The following FRMPD4 variants were observed in gnomAD, a reference collection of about 807,000 sequenced individuals.
FRMPD4 encodes FERM and PDZ domain-containing protein 4.
A neutral mutation model predicts 94.1 loss-of-function variants in FRMPD4; 22 were observed. The observed-to-expected ratio is 0.23, with a 90% CI of 0.17 to 0.33. FRMPD4 has a LOEUF of 0.33. Ranked by LOEUF, FRMPD4 falls within the 10% of genes least tolerant of loss-of-function variation. The probability of loss-of-function intolerance (pLI) is 1.00; values close to 1 mark genes in which losing one functional copy is unlikely to be tolerated. For synonymous variants in FRMPD4, 631 were observed against 548.6 expected (o/e 1.15, Z -2.10); for missense variants, 1,111 against 1,339.9 (o/e 0.83, Z 2.67).
intron 1 of FRMPD4, among the ~76,000 whole-genome samples, chrX:12,292,395 CTAT>C (rs1446486021): frequency 9.0e-6 from 1 of 110,890 alleles, no homozygotes; most frequent in African/African-American, 3.3e-5. Flanking sequence ...GTGGTGTTGC[CTAT>C]TATTATTGTT....
intron 1 of FRMPD4, among the ~76,000 whole-genome samples, chrX:12,381,010 T>C (rs1489254905): frequency 1.8e-5 from 2 of 111,968 alleles, no homozygotes; most frequent in African/African-American, 6.5e-5. Flanking sequence ...TAAAGCCCAG[T>C]TGGCTCTCAG....
At chrX:12,557,216 G>A (rs2058604818) in intron 2 of FRMPD4, among the ~76,000 whole-genome samples, 1 of 106,644 alleles carries the variant, frequency 9.4e-6, no homozygotes, top group South Asian at 4.0e-4. Context: ...AAAGAATAAG[G>A]GCTTGGATCT....
chrX:12,413,394 T>A lies in FRMPD4; in HGVS notation c.42-85286T>A, dbSNP rs148837154. On this transcript the variant is annotated intron_variant, in intron 1 of 16. Transcript: ENST00000675598. ...TTACCCTTGCACAGGAATCTTTGTA[T>A]TGGGGTCTCCTTCTAGGGAAATCCA... 3.3e-3 allele frequency among the ~76,000 whole-genome samples: 376 copies of A among 112,411 alleles called. 1 individual carries two copies. Among genetic ancestry groups the A allele is most frequent in the African/African-American group, 0.011 (342 of 30,978 alleles).
At chrX:12,655,316 C>T (rs1202152095) in intron 4 of FRMPD4, among the ~76,000 whole-genome samples, 1 of 112,059 alleles carries the variant, frequency 8.9e-6, no homozygotes, top group Non-Finnish European at 1.9e-5. Flanking sequence ...AGTGTGGTTT[C>T]ATGTCCCTGA....
chrX:11,979,946 CT>C (rs1467647031), intron 3 of FRMPD4, among the ~76,000 whole-genome samples: 1 of 111,298 alleles, frequency 9.0e-6, no homozygotes, highest in Non-Finnish European at 1.9e-5. Context: ...AGTCATAAAG[CT>C]TTTCTCTATT....
At chrX:12,573,218 T>C (rs1228318459) in intron 2 of FRMPD4, among the ~76,000 whole-genome samples, 1 of 112,274 alleles carries the variant, frequency 8.9e-6, no homozygotes, top group African/African-American at 3.2e-5. Flanking sequence ...CCAAGAAATT[T>C]TCAAAGAGAA....
chrX:12,108,627 G>A (rs1303161031), intron 3 of FRMPD4, among the ~76,000 whole-genome samples: 1 of 111,756 alleles, frequency 8.9e-6, no homozygotes, highest in African/African-American at 3.3e-5. Flanking sequence ...ACACAGACTG[G>A]CAAATTGGAT....
At chrX:12,411,870 G>A (rs73434876) in intron 1 of FRMPD4, among the ~76,000 whole-genome samples, 13,851 of 111,050 alleles carry the variant, frequency 0.12, 692 homozygotes, top group Middle Eastern at 0.17. Context: ...AAAGGCCAAG[G>A]GTCTACAACT....
chrX:12,216,724 C>T, intron 1 of FRMPD4, among the ~76,000 whole-genome samples: 1 of 112,119 alleles, frequency 8.9e-6, no homozygotes. Flanking sequence ...TGCTTATCCT[C>T]ATATCTGGGA....
intron 1 of FRMPD4, among the ~76,000 whole-genome samples, chrX:12,447,459 C>T (rs925926066): frequency 1.8e-5 from 2 of 111,756 alleles, no homozygotes; most frequent in Admixed American, 1.9e-4. Flanking sequence ...TATTAAGAAT[C>T]ACCAGTCTAA....
chrX:12,299,136 A>G (rs942913347), intron 1 of FRMPD4, among the ~76,000 whole-genome samples: 1 of 112,060 alleles, frequency 8.9e-6, no homozygotes, highest in Non-Finnish European at 1.9e-5. Flanking sequence ...GAGCACATGC[A>G]TTCAGTTTAA....
intron 3 of FRMPD4, among the ~76,000 whole-genome samples, chrX:11,995,702 C>T (rs2054492743): frequency 8.9e-6 from 1 of 111,928 alleles, no homozygotes. Flanking sequence ...TATAATCCTT[C>T]TTGGTCATTC....
chrX:11,914,865 G>C (rs2054016246), intron 3 of FRMPD4, among the ~76,000 whole-genome samples: 1 of 112,255 alleles, frequency 8.9e-6, no homozygotes, highest in Non-Finnish European at 1.9e-5. Context: ...ACATGGTGTA[G>C]ACACAACATA....
intron 1 of FRMPD4, among the ~76,000 whole-genome samples, chrX:12,162,728 C>G (rs748907984): frequency 5.4e-5 from 6 of 111,822 alleles, no homozygotes; most frequent in Admixed American, 3.8e-4. Context: ...TCTGGGAAGA[C>G]TCTTCTGTTT....
intron 1 of FRMPD4, among the ~76,000 whole-genome samples, chrX:12,351,991 G>C (rs1010989547): frequency 8.9e-6 from 1 of 112,130 alleles, no homozygotes; most frequent in Non-Finnish European, 1.9e-5. Context: ...AAATATGTCT[G>C]TGTATTTGTG....
intron 4 of FRMPD4, among the ~76,000 whole-genome samples, chrX:12,655,740 A>G (rs990710376): frequency 1.8e-5 from 2 of 112,253 alleles, no homozygotes; most frequent in Non-Finnish European, 3.8e-5. Flanking sequence ...AAACAAAAAG[A>G]CAATGGAAAG....
rs114775174 is a variant in FRMPD4, at chrX:12,712,999, G to A, written c.1609+2462G>A. Among the ~76,000 whole-genome samples, 534 of 110,306 alleles carry A rather than the reference G, an allele frequency of 4.8e-3. 3 individuals are homozygous for A. Among genetic ancestry groups the A allele is most frequent in the African/African-American group, 0.017 (522 of 30,247 alleles). ...ACATTGAGGTGGGAGGATCATGCAA[G>A]CCCGGGAGGTCAAGGCTTTAGTGAG... is the stretch of plus-strand genomic sequence containing the variant. On this transcript the variant is annotated intron_variant, in intron 14 of 16. Transcript: ENST00000675598.
chrX:12,140,811 A>C (rs182254989), intron 1 of FRMPD4, among the ~76,000 whole-genome samples: 121 of 112,120 alleles, frequency 1.1e-3, no homozygotes, highest in Non-Finnish European at 2.0e-3. Flanking sequence ...AAACTCAAGC[A>C]AGGCTGTGGG....
chrX:12,126,660 T>C (rs183645969), intron 3 of FRMPD4, among the ~76,000 whole-genome samples: 60 of 111,654 alleles, frequency 5.4e-4, no homozygotes, highest in African/African-American at 1.9e-3. Context: ...AGACCAGTCA[T>C]CCTTGTCATT....
Sources: allele counts gnomAD v4.1 joint callset (sites outside exome capture counted in the v4.1 genomes callset), GRCh38; gene constraint gnomAD v4.1.1; transcripts MANE v1.5; gene names NCBI Gene and HGNC (gene_info 2026-07-23, HGNC 2026-07-21).